The following RBFOX3 variants were observed in gnomAD, a reference collection of about 807,000 sequenced individuals.
RBFOX3 encodes the protein RNA binding fox-1 homolog 3, also known as RNA binding protein fox-1 homolog 3.
Under a neutral mutation model 48.7 loss-of-function variants are expected in RBFOX3, and 17 were observed. The ratio of observed to expected loss-of-function variants is 0.35; its 90% CI spans 0.24 to 0.52. The LOEUF (loss-of-function observed/expected upper bound fraction) is 0.52, where lower values mean the gene tolerates loss of function less well. Ranked by LOEUF, RBFOX3 falls within the 20% of genes least tolerant of loss-of-function variation. RBFOX3 has a pLI of 0.94. For missense variants in RBFOX3, 382 were observed against 497.5 expected, an observed-to-expected ratio of 0.77 and a Z score of 2.21; for synonymous variants, 212 against 209.5, an observed-to-expected ratio of 1.01 and a Z score of -0.10.
chr17:79,572,841 G>T (rs936261764), intron 1 of RBFOX3, among the ~76,000 whole-genome samples: 2 of 152,080 alleles, frequency 1.3e-5, no homozygotes, highest in Admixed American at 6.5e-5. Context: ...CTGGCCACCC[G>T]TGCTGCCCTG....
At chr17:79,411,123 C>T (rs755309889) in intron 2 of RBFOX3, among the ~76,000 whole-genome samples, 7 of 152,120 alleles carry the variant, frequency 4.6e-5, no homozygotes, top group Non-Finnish European at 1.0e-4. Flanking sequence ...TTTCGTGCCC[C>T]GGCACCAGGC....
At chr17:79,118,910 A>G (rs1213678691) in intron 4 of RBFOX3, among the ~76,000 whole-genome samples, 1 of 150,486 alleles carries the variant, frequency 6.6e-6, no homozygotes, top group Non-Finnish European at 1.5e-5. Flanking sequence ...CTGGAGGTTG[A>G]GGCTGCAGTG....
At chr17:79,216,819 G>A (rs1010485550) in intron 4 of RBFOX3, among the ~76,000 whole-genome samples, 4 of 133,376 alleles carry the variant, frequency 3.0e-5, no homozygotes, top group African/African-American at 1.0e-4. Context: ...ACTTGTCCAG[G>A]GTCATGCAGC....
In RBFOX3 at chr17:79,390,882, G is replaced by T. The variant is rs530849214; in HGVS notation, c.-174-83058C>A. Among the ~76,000 whole-genome samples, 1 of 152,318 alleles carries T rather than the reference G, an allele frequency of 6.6e-6. No homozygotes were observed. Among genetic ancestry groups the T allele is most frequent in the East Asian group, 1.9e-4 (1 of 5,170 alleles). Reference sequence around the variant, plus strand: ...GCACCTTCCTGCCCAGACACCTCGGGATGAGCCCCTGGTGGGACTGCTCGG... The same window carrying T: ...GCACCTTCCTGCCCAGACACCTCGGTATGAGCCCCTGGTGGGACTGCTCGG... On this transcript the variant is annotated intron_variant, in intron 2 of 14. Transcript: ENST00000693108. This position sits in a 1 kb window ranked among gnomAD's most constrained non-coding sequence, Gnocchi z 4.2.
chr17:79,348,739 C>T (rs963978496), intron 2 of RBFOX3, among the ~76,000 whole-genome samples: 4 of 151,840 alleles, frequency 2.6e-5, no homozygotes, highest in African/African-American at 4.8e-5. Context: ...CCCCACCATG[C>T]CCGGCTAATT....
chr17:79,197,688 C>G (rs531072657), intron 4 of RBFOX3, among the ~76,000 whole-genome samples: 1 of 152,270 alleles, frequency 6.6e-6, no homozygotes, highest in Admixed American at 6.5e-5. Flanking sequence ...AGCCACCTCC[C>G]AAGCCCAGAA....
intron 1 of RBFOX3, among the ~76,000 whole-genome samples, chr17:79,488,322 C>T (rs1490909422): frequency 6.7e-6 from 1 of 149,474 alleles, no homozygotes; most frequent in Non-Finnish European, 1.5e-5. Flanking sequence ...CAGAAGTGGC[C>T]GGTGAGTTGA....
intron 4 of RBFOX3, among the ~76,000 whole-genome samples, chr17:79,156,928 C>T (rs910941951): frequency 7.2e-5 from 11 of 152,180 alleles, no homozygotes; most frequent in African/African-American, 2.7e-4. Flanking sequence ...CTGTGTTTGC[C>T]CCGCTGTGGT....
At chr17:79,272,538 G>T (rs1449659008) in intron 3 of RBFOX3, among the ~76,000 whole-genome samples, 2 of 152,192 alleles carry the variant, frequency 1.3e-5, no homozygotes, top group African/African-American at 2.4e-5. Context: ...GCCCACGCGG[G>T]GCCACGCAGG....
At chr17:79,425,754 A>G (rs782285373) in intron 2 of RBFOX3, among the ~76,000 whole-genome samples, 30 of 151,444 alleles carry the variant, frequency 2.0e-4, no homozygotes, top group Admixed American at 9.9e-4. Flanking sequence ...GAAGGGACAG[A>G]GCGGGAGATT....
At chr17:79,159,695 G>T (rs1389587249) in intron 4 of RBFOX3, among the ~76,000 whole-genome samples, 1 of 152,128 alleles carries the variant, frequency 6.6e-6, no homozygotes, top group South Asian at 2.1e-4. Context: ...GCAGCTGGGG[G>T]ACACACACAC....
chr17:79,132,541 C>T (rs1310192159), intron 4 of RBFOX3, among the ~76,000 whole-genome samples: 1 of 152,188 alleles, frequency 6.6e-6, no homozygotes, highest in South Asian at 2.1e-4. Context: ...GCTGGTCTGA[C>T]GGGTGAGATT....
At chr17:79,585,413 T>C (rs1021764333) in intron 1 of RBFOX3, among the ~76,000 whole-genome samples, 2 of 150,664 alleles carry the variant, frequency 1.3e-5, no homozygotes, top group African/African-American at 4.9e-5. Flanking sequence ...AAAAATGAGC[T>C]GGGTATGGTT....
intron 4 of RBFOX3, among the ~76,000 whole-genome samples, chr17:79,166,173 G>A (rs555027544): frequency 6.6e-6 from 1 of 152,044 alleles, no homozygotes; most frequent in Non-Finnish European, 1.5e-5. Context: ...GCAGGTAAGG[G>A]CGAACCTTGG....
At chr17:79,134,024 G>A (rs2039592243) in intron 4 of RBFOX3, among the ~76,000 whole-genome samples, 1 of 152,216 alleles carries the variant, frequency 6.6e-6, no homozygotes, top group South Asian at 2.1e-4. Flanking sequence ...AATGGAACAG[G>A]ATATTAAGCA....
intron 1 of RBFOX3, among the ~76,000 whole-genome samples, chr17:79,499,547 G>T (rs933318035): frequency 6.6e-6 from 1 of 152,208 alleles, no homozygotes; most frequent in Non-Finnish European, 1.5e-5. Context: ...AGGGTTTGGA[G>T]GTCAGTACTA....
chr17:79,480,946 G>A lies in RBFOX3; in HGVS notation c.-175+1508C>T, dbSNP rs2078691110. Among the ~76,000 whole-genome samples the A allele has an allele frequency of 6.6e-6, 1 of 152,194 alleles. No individual in the cohort carries two copies. Among genetic ancestry groups the A allele is most frequent in the African/African-American group, 2.4e-5 (1 of 41,452 alleles). On this transcript the variant is annotated intron_variant, in intron 2 of 14. Transcript: ENST00000693108. The surrounding 1 kb of genome is among the most constrained non-coding windows in gnomAD (Gnocchi z 4.8). Reference sequence around the variant, plus strand: ...CTGCGTCTCCAGCACCCCAAACAGGGCTCAGCACATCGGGGGCTCAAGGTT... The same window carrying A: ...CTGCGTCTCCAGCACCCCAAACAGGACTCAGCACATCGGGGGCTCAAGGTT...
chr17:79,527,514 C>T (rs1479536347), intron 1 of RBFOX3, among the ~76,000 whole-genome samples: 1 of 152,238 alleles, frequency 6.6e-6, no homozygotes, highest in African/African-American at 2.4e-5. Context: ...CCTCCCCCAC[C>T]AGCTTTGTCT....
intron 1 of RBFOX3, among the ~76,000 whole-genome samples, chr17:79,491,209 G>A (rs1013001067): frequency 7.2e-6 from 1 of 138,606 alleles, no homozygotes; most frequent in Non-Finnish European, 1.5e-5. Context: ...CAGGTGCAGA[G>A]CCTTGGACAG....
Sources: gnomAD v4.1 joint callset for allele counts (sites outside exome capture counted in the v4.1 genomes callset) on GRCh38, gnomAD v4.1.1 for gene constraint, Gnocchi (gnomAD v3.1) non-coding constraint, MANE v1.5 for transcripts, NCBI Gene and HGNC (gene_info 2026-07-23, HGNC 2026-07-21) for gene names.